Variants in SNX24 observed in about 807,000 individuals in gnomAD.
SNX24 encodes the protein sorting nexin 24.
In SNX24, 22 loss-of-function variants were observed where a neutral mutation model predicts 28.7. The observed-to-expected ratio is 0.77, with a 90% CI of 0.55 to 1.10. The LOEUF (loss-of-function observed/expected upper bound fraction) is 1.10. Among genes scored for constraint, SNX24 ranks in the 50% least tolerant of loss-of-function variants. The probability of loss-of-function intolerance (pLI) is 0.00; values close to 1 mark genes in which losing one functional copy is unlikely to be tolerated. For synonymous variants in SNX24, 69 were observed against 71.5 expected (o/e 0.96, Z 0.18); for missense variants, 221 against 201.1 (o/e 1.10, Z -0.60).
chr5:123,023,636 G>A (rs893751784), intron 5 of SNX24: 5 of 399,878 alleles, frequency 1.3e-5, no homozygotes, highest in Non-Finnish European at 2.0e-5. Flanking sequence ...TTTTAAAATA[G>A]CACCACTTGA....
chr5:122,932,452 A>G (rs917077720), intron 1 of SNX24, among the ~76,000 whole-genome samples: 3 of 152,216 alleles, frequency 2.0e-5, no homozygotes, highest in Non-Finnish European at 4.4e-5. Flanking sequence ...AGCTTCAGCA[A>G]CATAGCTAAA....
At chr5:122,950,522 A>T (rs1759893515) in intron 3 of SNX24, among the ~76,000 whole-genome samples, 1 of 152,230 alleles carries the variant, frequency 6.6e-6, no homozygotes, top group African/African-American at 2.4e-5. Context: ...GGGCTGCAAC[A>T]GTTCCAGACC....
At chr5:123,000,259 A>G (rs1762201350) in intron 4 of SNX24, among the ~76,000 whole-genome samples, 1 of 152,226 alleles carries the variant, frequency 6.6e-6, no homozygotes, top group Non-Finnish European at 1.5e-5. Flanking sequence ...TTTCAATTAC[A>G]CTGTTACATA....
chr5:122,889,142 C>T (rs960004334), intron 1 of SNX24, among the ~76,000 whole-genome samples: 2 of 152,112 alleles, frequency 1.3e-5, no homozygotes, highest in Admixed American at 6.5e-5. Context: ...ATTGAGCTAC[C>T]GTGCCTGGCC....
chr5:123,017,063 A>G (rs1762691954), intron 5 of SNX24, among the ~76,000 whole-genome samples: 1 of 152,058 alleles, frequency 6.6e-6, no homozygotes, highest in Non-Finnish European at 1.5e-5. Flanking sequence ...CTGGTCAGGA[A>G]CAAAGCAGAG....
chr5:122,862,626 G>T (rs1755521646), intron 1 of SNX24, among the ~76,000 whole-genome samples: 1 of 148,184 alleles, frequency 6.7e-6, no homozygotes, highest in African/African-American at 2.5e-5. Context: ...AAAAGAGAAA[G>T]GAAGGAAAGA....
intron 1 of SNX24, among the ~76,000 whole-genome samples, chr5:122,908,922 A>C (rs1757762211): frequency 6.6e-6 from 1 of 152,316 alleles, no homozygotes; most frequent in South Asian, 2.1e-4. Context: ...AGCAAGGCTG[A>C]AAGGACCTTA....
At chr5:122,921,231 G>A (rs1409234845) in intron 1 of SNX24, among the ~76,000 whole-genome samples, 2 of 151,884 alleles carry the variant, frequency 1.3e-5, no homozygotes. Context: ...TTATCCCTGA[G>A]GTCCCAGCAG....
chr5:122,903,099 G>A (rs560196182), intron 1 of SNX24, among the ~76,000 whole-genome samples: 1 of 151,760 alleles, frequency 6.6e-6, no homozygotes, highest in African/African-American at 2.4e-5. Context: ...ACTCTCCTTT[G>A]TACGTTTTTT....
At chr5:122,885,376 C>T (rs1756659616) in intron 1 of SNX24, among the ~76,000 whole-genome samples, 1 of 152,174 alleles carries the variant, frequency 6.6e-6, no homozygotes, top group Non-Finnish European at 1.5e-5. Flanking sequence ...GCCCCAGGCC[C>T]CTCCTGTGTT....
At chr5:122,978,163 C>T (rs941905207) in intron 3 of SNX24, among the ~76,000 whole-genome samples, 7 of 152,098 alleles carry the variant, frequency 4.6e-5, no homozygotes, top group African/African-American at 1.7e-4. Context: ...AAAACTAGGA[C>T]AAAATATGTT....
At chr5:122,915,358 G>T (rs1032469678) in intron 1 of SNX24, among the ~76,000 whole-genome samples, 3 of 152,162 alleles carry the variant, frequency 2.0e-5, no homozygotes, top group Non-Finnish European at 4.4e-5. Context: ...AGGTGCTGTG[G>T]TTCATTCCTG....
chr5:122,875,222 ATTTC>A (rs1756169768), intron 1 of SNX24, among the ~76,000 whole-genome samples: 2 of 152,226 alleles, frequency 1.3e-5, no homozygotes, highest in Admixed American at 1.3e-4. Context: ...GTTCAGAATT[ATTTC>A]TTATATGTGC....
At chr5:122,924,251 T>C (rs35903563) in intron 1 of SNX24, among the ~76,000 whole-genome samples, 8,330 of 152,266 alleles carry the variant, frequency 0.055, 305 homozygotes, top group African/African-American at 0.1. Context: ...ATTACAATAA[T>C]AATAAAATAA....
chr5:123,002,273 A>T (rs1762272437), intron 6 of SNX24: 3 of 483,924 alleles, frequency 6.2e-6, no homozygotes, highest in Non-Finnish European at 1.1e-5. Flanking sequence ...AATTTTTCTG[A>T]TCATGTCATT....
Position 122,936,763 on chromosome 5 carries a change from A to T in SNX24, c.90A>T (p.Gly30=). The T allele has an allele frequency of 6.2e-7, 1 of 1,605,994 alleles. No homozygotes were observed. The highest frequency in any genetic ancestry group is 8.5e-7 in the Non-Finnish European group (1 of 1,173,834). ...TTAAGATAGAAGTGCTAATGAATGG[A>T]AGAAAACATTTTGTTGAAAAGAGAT... ...TVFKIEVLMN[G]RKHFVEKRYS... Residue 30 remains glycine, a synonymous_variant, in exon 2 of 7, where the codon GGA becomes GGT. Coordinates refer to ENST00000261369, the MANE Select transcript of SNX24 (RefSeq NM_014035.4).
chr5:122,966,952 G>A (rs1468248552), intron 3 of SNX24, among the ~76,000 whole-genome samples: 1 of 152,118 alleles, frequency 6.6e-6, no homozygotes, highest in Admixed American at 6.5e-5. Context: ...AAGGAGTCTG[G>A]AGGTTAATGC....
chr5:122,927,770 CTAA>C (rs1173845386), intron 1 of SNX24, among the ~76,000 whole-genome samples: 1 of 152,158 alleles, frequency 6.6e-6, no homozygotes, highest in Non-Finnish European at 1.5e-5. Context: ...CATTCACACT[CTAA>C]TAATGCCCAA....
At chr5:122,850,814 A>G (rs1754883764) in intron 1 of SNX24, among the ~76,000 whole-genome samples, 1 of 151,158 alleles carries the variant, frequency 6.6e-6, no homozygotes, top group South Asian at 2.1e-4. Flanking sequence ...AAAAACCCAC[A>G]GAGAAAGAGT....
Sources: gnomAD v4.1 joint callset for allele counts (sites outside exome capture counted in the v4.1 genomes callset) on GRCh38, gnomAD v4.1.1 for gene constraint, MANE v1.5 for transcripts, NCBI Gene and HGNC (gene_info 2026-07-23, HGNC 2026-07-21) for gene names.